The following NTNG2 variants were observed in gnomAD, a reference collection of about 807,000 sequenced individuals.
The protein encoded by NTNG2 is netrin G2.
Under a neutral mutation model 47.6 loss-of-function variants are expected in NTNG2, and 15 were observed. The observed-to-expected ratio is 0.32, with a 90% CI of 0.21 to 0.49. NTNG2 has a LOEUF of 0.49. Among genes scored for constraint, NTNG2 ranks in the 20% least tolerant of loss-of-function variants. The pLI is 0.99. For synonymous variants in NTNG2, 307 were observed against 324.6 expected (o/e 0.95, Z 0.58); for missense variants, 578 against 764.6 (o/e 0.76, Z 2.88).
rs1044005820 is a variant in NTNG2 at position 132,208,123 on chromosome 9, G to A, written c.857+9514G>A. On this transcript the variant is annotated intron_variant, in intron 3 of 7. Transcript: ENST00000393229. This position sits in a 1 kb window ranked among gnomAD's most constrained non-coding sequence, Gnocchi z 4.0. ...TATCTCAAAACCCAGGGCAATATGG[G>A]AGTGGAGCTGGGAACCAACCTGAGA... Among the ~76,000 whole-genome samples, 2 of 152,016 alleles carry A rather than the reference G, an allele frequency of 1.3e-5. No individual in the cohort carries two copies. The highest frequency in any genetic ancestry group is 6.6e-5 in the Admixed American group (1 of 15,262).
chr9:132,187,551 C>T (rs551162061), intron 2 of NTNG2, among the ~76,000 whole-genome samples: 3 of 141,704 alleles, frequency 2.1e-5, no homozygotes, highest in Non-Finnish European at 4.5e-5. Context: ...AACACACACA[C>T]AGAGAGCGAG....
intron 7 of NTNG2, chr9:132,241,624 G>T (rs1048055250): frequency 9.9e-6 from 5 of 502,530 alleles, no homozygotes; most frequent in African/African-American, 2.1e-5. Flanking sequence ...CTGCAGGCGC[G>T]TCTGAAGAAC....
At chr9:132,205,636 T>C (rs1839112329) in intron 3 of NTNG2, among the ~76,000 whole-genome samples, 1 of 152,088 alleles carries the variant, frequency 6.6e-6, no homozygotes, top group African/African-American at 2.4e-5. Flanking sequence ...ATCTCAGCAC[T>C]TTGGGAGGCC....
At chr9:132,177,937 G>C (rs1020979537) in intron 2 of NTNG2, among the ~76,000 whole-genome samples, 1 of 152,204 alleles carries the variant, frequency 6.6e-6, no homozygotes, top group Non-Finnish European at 1.5e-5. Context: ...GATTACAGGC[G>C]TGAGCCACAG....
intron 2 of NTNG2, among the ~76,000 whole-genome samples, chr9:132,167,777 C>T (rs1159029068): frequency 1.3e-5 from 2 of 152,174 alleles, no homozygotes; most frequent in African/African-American, 4.8e-5. Context: ...TTAACAGCAA[C>T]AACAACAGCA....
chr9:132,212,570 G>A (rs1027384183), intron 3 of NTNG2, among the ~76,000 whole-genome samples: 1 of 151,928 alleles, frequency 6.6e-6, no homozygotes, highest in African/African-American at 2.4e-5. Flanking sequence ...TGCGCCAGGC[G>A]ACCAACCCAG....
In NTNG2 at chr9:132,208,431, C is replaced by T. The variant is rs377312703; in HGVS notation, c.857+9822C>T. ...CAGGGGAGAGGTGTGATCTGATTTC[C>T]GGTGTTTGGAAATCTGAGTTGGGGG... is the stretch of plus-strand genomic sequence containing the variant. On this transcript the variant is annotated intron_variant, in intron 3 of 7. Coordinates refer to ENST00000393229, the MANE Select transcript of NTNG2 (RefSeq NM_032536.4). This position sits in a 1 kb window ranked among gnomAD's most constrained non-coding sequence, Gnocchi z 4.0. Among the ~76,000 whole-genome samples, 41 of 152,196 alleles carry T rather than the reference C, an allele frequency of 2.7e-4. 1 individual carries two copies. In the East Asian group the frequency reaches 6.0e-3, roughly 22 times the overall value.
chr9:132,204,087 T>C (rs1288650702), intron 3 of NTNG2, among the ~76,000 whole-genome samples: 1 of 152,174 alleles, frequency 6.6e-6, no homozygotes, highest in Non-Finnish European at 1.5e-5. Flanking sequence ...TGGGAACCCA[T>C]GGGTTACGTG....
intron 3 of NTNG2, among the ~76,000 whole-genome samples, chr9:132,199,583 G>A (rs1229410948): frequency 6.6e-6 from 1 of 152,178 alleles, no homozygotes. Flanking sequence ...GGAGATGATG[G>A]TATAGGCATT....
At position 132,216,438 on chromosome 9, in the gene NTNG2, G is replaced by C. The variant is rs1342239406; in HGVS notation, c.858-10411G>C. ...TCTGTGTGTGTGTGTATGTGTGTGTGTGTGTGTGTGTGTGTGTGTGTGTGT... is the reference window on the plus strand; with the variant it reads ...TCTGTGTGTGTGTGTATGTGTGTGTCTGTGTGTGTGTGTGTGTGTGTGTGT... On this transcript the variant is annotated intron_variant, in intron 3 of 7. Coordinates refer to ENST00000393229, the MANE Select transcript of NTNG2 (RefSeq NM_032536.4). 6.7e-3 allele frequency among the ~76,000 whole-genome samples: 983 copies of C among 146,474 alleles called. 27 individuals are homozygous for C. Among genetic ancestry groups the C allele is most frequent in the African/African-American group, 0.023 (890 of 38,606 alleles).
chr9:132,169,116 C>G (rs1292474619), intron 2 of NTNG2, among the ~76,000 whole-genome samples: 1 of 152,240 alleles, frequency 6.6e-6, no homozygotes, highest in African/African-American at 2.4e-5. Flanking sequence ...CTCTCCCATC[C>G]CCATCCCCTG....
chr9:132,189,667 T>G (rs1308607180), intron 2 of NTNG2, among the ~76,000 whole-genome samples: 2 of 151,796 alleles, frequency 1.3e-5, no homozygotes, highest in Non-Finnish European at 2.9e-5. Flanking sequence ...TGAGACGGAG[T>G]CTCACTCTGT....
At chr9:132,228,405 C>T (rs1029378705) in intron 4 of NTNG2, among the ~76,000 whole-genome samples, 1 of 152,186 alleles carries the variant, frequency 6.6e-6, no homozygotes, top group African/African-American at 2.4e-5. Context: ...CTTCCTGTCC[C>T]CATCTCTTTG....
chr9:132,231,378 G>A lies in NTNG2; in HGVS notation c.1054+783G>A, dbSNP rs866099971. The A allele has an allele frequency of 2.6e-5, 12 of 455,220 alleles. No individual in the cohort carries two copies. Among genetic ancestry groups the A allele is most frequent in the African/African-American group, 1.8e-4 (9 of 50,028 alleles). 28.2% of individuals were successfully genotyped at this position (455,220 alleles called of 1,614,324 possible). A position where few individuals can be genotyped will look rare whatever the true frequency, so the allele number is the denominator to read the frequency against. On this transcript the variant is annotated intron_variant, in intron 5 of 7. Transcript: ENST00000393229. The surrounding 1 kb of genome is among the most constrained non-coding windows in gnomAD (Gnocchi z 4.1). ...ACTGGCCAATGTCAAAGAGCCAGCCGGGAGCAGACCCCAAATCTCAGAGAT... is the reference window on the plus strand; with the variant it reads ...ACTGGCCAATGTCAAAGAGCCAGCCAGGAGCAGACCCCAAATCTCAGAGAT...
intron 3 of NTNG2, among the ~76,000 whole-genome samples, chr9:132,224,577 G>T (rs553402796): frequency 1.3e-5 from 2 of 152,216 alleles, no homozygotes; most frequent in East Asian, 3.9e-4. Flanking sequence ...ACTGTTCCCA[G>T]CTCAGAGCCC....
In NTNG2 at chr9:132,226,940, G is replaced by A. The variant is rs147689661; in HGVS notation, c.949G>A (p.Gly317Ser). 148 of 1,612,820 alleles carry A rather than the reference G, an allele frequency of 9.2e-5. 1 individual carries two copies. Among genetic ancestry groups the A allele is most frequent in the South Asian group, 9.0e-4 (82 of 91,018 alleles). ...CEHNTTGPDC[G>S]KCKKNFRTRS... The stretch of plus-strand genomic sequence containing the variant: ...GCACAACACCACCGGCCCCGACTGC[G>A]GCAAGTGCAAGAAGAATTTCCGCAC... The change falls in exon 4 of 8, where the codon GGC becomes AGC. Residue 317 changes from glycine (G) to serine (S), a missense_variant. Gly to Ser is a moderately conservative substitution (Grantham distance 56). Coordinates refer to ENST00000393229, the MANE Select transcript of NTNG2 (RefSeq NM_032536.4). The surrounding 1 kb of genome is among the most constrained non-coding windows in gnomAD (Gnocchi z 4.8).
chr9:132,239,325 A>C, intron 6 of NTNG2, 54 bp downstream of exon 6: 1 of 1,593,300 alleles, frequency 6.3e-7, no homozygotes, highest in Non-Finnish European at 8.6e-7. Context: ...TGCAGGGTGC[A>C]CTGCCCTGCG....
chr9:132,175,624 T>G (rs1393738601), intron 2 of NTNG2, among the ~76,000 whole-genome samples: 4 of 152,210 alleles, frequency 2.6e-5, no homozygotes, highest in Admixed American at 2.0e-4. Context: ...TTGTTTTTCA[T>G]CAGCAGCAGA....
intron 7 of NTNG2, 54 bp from the exon 8 acceptor site, chr9:132,241,822 G>A: frequency 7.4e-7 from 1 of 1,350,518 alleles, no homozygotes. Flanking sequence ...GGAGCTCGGA[G>A]GTTGGCGGGG....
Sources: gnomAD v4.1 joint callset for allele counts (sites outside exome capture counted in the v4.1 genomes callset) on GRCh38, gnomAD v4.1.1 for gene constraint, Gnocchi (gnomAD v3.1) non-coding constraint, MANE v1.5 for transcripts, NCBI Gene and HGNC (gene_info 2026-07-23, HGNC 2026-07-21) for gene names.